The following BOD1L1 variants were observed in gnomAD, a reference collection of about 807,000 sequenced individuals.
BOD1L1 encodes the protein biorientation of chromosomes in cell division 1 like 1, also known as biorientation of chromosomes in cell division protein 1-like 1.
BOD1L1 carries 86 observed loss-of-function variants against 240.7 expected under a neutral mutation model. The observed-to-expected ratio is 0.36, with a 90% CI of 0.30 to 0.43. The LOEUF (loss-of-function observed/expected upper bound fraction) is 0.43. Ranked by LOEUF, BOD1L1 falls within the 20% of genes least tolerant of loss-of-function variation. The pLI, the probability that BOD1L1 is intolerant of heterozygous loss-of-function variation, is 1.00. For missense variants in BOD1L1, 3,554 were observed against 3,643.5 expected (o/e 0.98, Z 0.63); for synonymous variants, 1,268 against 1,272.3 (o/e 1.00, Z 0.07).
chr4:13,600,677 T>C lies in BOD1L1; in HGVS notation c.6223A>G (p.Thr2075Ala). The C allele has an allele frequency of 7.4e-6, 12 of 1,614,000 alleles. No homozygotes were observed. The highest frequency in any genetic ancestry group is 1.0e-5 in the Non-Finnish European group (12 of 1,179,894). Residue 2075 changes from threonine (T) to alanine (A), a missense_variant, in exon 10 of 26, where the codon ACC (threonine) becomes GCC (alanine). Thr to Ala is a moderately conservative substitution (Grantham distance 58). Coordinates refer to ENST00000040738, the MANE Select transcript of BOD1L1 (RefSeq NM_148894.3). ...KNQGKVLIIS[T>A]STTNDYTPQV... Reference sequence around the variant, plus strand: ...GGGGTGTAATCATTTGTGGTACTGGTGGAAATAATCAAAACTTTGCCTTGA... The same window carrying C: ...GGGGTGTAATCATTTGTGGTACTGGCGGAAATAATCAAAACTTTGCCTTGA...
chr4:13,576,288 G>A (rs573107549), intron 25 of BOD1L1, among the ~76,000 whole-genome samples: 2 of 152,258 alleles, frequency 1.3e-5, no homozygotes, highest in Admixed American at 6.5e-5. Context: ...TCATCTGACC[G>A]TGGTACTCTT....
intron 25 of BOD1L1, among the ~76,000 whole-genome samples, chr4:13,574,519 G>T (rs922938905): frequency 2.0e-5 from 3 of 152,168 alleles, no homozygotes; most frequent in Non-Finnish European, 4.4e-5. Context: ...ATTTATAAAA[G>T]GCAAATCTGA....
chr4:13,584,011 A>G (rs1431497903), intron 17 of BOD1L1, among the ~76,000 whole-genome samples: 1 of 152,228 alleles, frequency 6.6e-6, no homozygotes, highest in African/African-American at 2.4e-5. Flanking sequence ...ACATGCAATA[A>G]TGTGCAAGAC....
chr4:13,623,586 G>C (rs1433195411), intron 1 of BOD1L1: 2 of 152,276 alleles, frequency 1.3e-5, no homozygotes, highest in Admixed American at 1.3e-4. Flanking sequence ...TCTTTGGGTG[G>C]GAAGGGCTGA....
intron 2 of BOD1L1, among the ~76,000 whole-genome samples, chr4:13,617,660 T>C (rs1221911412): frequency 1.3e-5 from 2 of 152,198 alleles, no homozygotes; most frequent in Non-Finnish European, 2.9e-5. Flanking sequence ...TTAAGTAGAA[T>C]AAAATTTTCC....
In BOD1L1 at chr4:13,580,264, T is replaced by A. The variant is rs116691603; in HGVS notation, c.8704-291A>T. 3.6e-3 allele frequency among the ~76,000 whole-genome samples: 552 copies of A among 152,334 alleles called. 3 individuals are homozygous for A. Among genetic ancestry groups the A allele is most frequent in the Non-Finnish European group, 3.3e-3 (222 of 68,032 alleles). The stretch of plus-strand genomic sequence containing the variant: ...TTCCCAAGGCAAACCATTTTACATG[T>A]TGCTAAATGCATTCACATGTGCTTC... On this transcript the variant is annotated intron_variant, in intron 21 of 25. Transcript: ENST00000040738.
At chr4:13,591,030 C>T (rs1714164593) in intron 13 of BOD1L1, among the ~76,000 whole-genome samples, 1 of 151,830 alleles carries the variant, frequency 6.6e-6, no homozygotes, top group South Asian at 2.1e-4. Context: ...GCTCCAACCC[C>T]ATTTAAAGTC....
At chr4:13,586,594 A>G in intron 16 of BOD1L1, 119 bp from the exon 17 acceptor site, 1 of 522,782 alleles carries the variant, frequency 1.9e-6, no homozygotes, top group Non-Finnish European at 3.3e-6. Flanking sequence ...CAGAGAAGCC[A>G]AAAGTTACTC....
Position 13,600,202 on chromosome 4 carries a change from C to G in BOD1L1, c.6698G>C (p.Gly2233Ala), listed in dbSNP as rs764136044. ...IAEECEASVS[G>A]VVVESENERA... ...CTCATTTTCACTTTCAACAACTACACCGGAAACAGAAGCCTCACATTCTTC... is the reference window on the plus strand; with the variant it reads ...CTCATTTTCACTTTCAACAACTACAGCGGAAACAGAAGCCTCACATTCTTC... The change falls in exon 10 of 26, where the codon GGT becomes GCT. Residue 2233 changes from glycine to alanine, a missense_variant. Coordinates refer to ENST00000040738, the MANE Select transcript of BOD1L1 (RefSeq NM_148894.3). The G allele has an allele frequency of 1.2e-6, 2 of 1,613,988 alleles. No homozygotes were observed. The highest frequency in any genetic ancestry group is 4.5e-5 in the East Asian group (2 of 44,872).
intron 2 of BOD1L1, among the ~76,000 whole-genome samples, chr4:13,618,622 A>G (rs1011415929): frequency 2.6e-5 from 4 of 152,246 alleles, no homozygotes; most frequent in Admixed American, 2.0e-4. Flanking sequence ...TAAAATGTAG[A>G]CAACAAAGCT....
At position 13,595,884 on chromosome 4, in the gene BOD1L1, A is replaced by T. The variant is rs756255203; in HGVS notation, c.8080T>A (p.Cys2694Ser). ...GEILAPPESL[C>S]GGKPSGIAEL... ...CCTATTCCACTTGGCTTTCCCCCACACAGACTTTCTGGTGGTGCCAGAATT... is the reference window on the plus strand; with the variant it reads ...CCTATTCCACTTGGCTTTCCCCCACTCAGACTTTCTGGTGGTGCCAGAATT... The change falls in exon 12 of 26, where the codon TGT becomes AGT. Residue 2694 changes from cysteine to serine, a missense_variant. Physicochemically the swap from Cys to Ser is moderately radical, Grantham distance 112. Transcript: ENST00000040738. 1 of 1,613,830 alleles carries T rather than the reference A, an allele frequency of 6.2e-7. No homozygotes were observed. Among genetic ancestry groups the T allele is most frequent in the Admixed American group, 1.7e-5 (1 of 60,012 alleles).
At position 13,600,417 on chromosome 4, in the gene BOD1L1, G is replaced by T. The variant is rs1715032297; in HGVS notation, c.6483C>A (p.Thr2161=). ...GCTGAAGACTTTCAGCACACTTGAT[G>T]GTTGTTGCACTGGAGATAGGCAATT... is the stretch of plus-strand genomic sequence containing the variant. ...EFELPISSAT[T]IKCAESLQPV... is the part of the protein sequence containing the mutation. The change falls in exon 10 of 26, where the codon ACC becomes ACA. Residue 2161 remains threonine, a synonymous_variant. Coordinates refer to ENST00000040738, the MANE Select transcript of BOD1L1 (RefSeq NM_148894.3). The T allele has an allele frequency of 1.9e-6, 3 of 1,613,968 alleles. No individual in the cohort carries two copies. The highest frequency in any genetic ancestry group is 2.5e-6 in the Non-Finnish European group (3 of 1,179,890).
intron 5 of BOD1L1, among the ~76,000 whole-genome samples, 158 bp from the exon 6 acceptor site, chr4:13,611,258 A>C (rs1314125536): frequency 1.3e-5 from 2 of 152,262 alleles, no homozygotes; most frequent in Non-Finnish European, 2.9e-5. Flanking sequence ...GCTATAATTC[A>C]TATTTTTATT....
Position 13,607,017 on chromosome 4 carries a change from C to T in BOD1L1, c.1815+100G>A, listed in dbSNP as rs961879862. The stretch of plus-strand genomic sequence containing the variant: ...GAATGTAAGTTGACTTTTTATTTGA[C>T]TTGAAAAAAGTCAAATTACATTCTA... On this transcript the variant is annotated intron_variant, in intron 9 of 25. Transcript: ENST00000040738. The T allele has an allele frequency of 3.3e-5, 27 of 806,134 alleles. No homozygotes were observed. The South Asian group carries it at 5.5e-4, about 16-fold the overall frequency. The allele number at this position is 806,134 out of a possible 1,614,324, so 49.9% of individuals were successfully genotyped here.
At chr4:13,589,970 A>G (rs2108912918) in intron 14 of BOD1L1, among the ~76,000 whole-genome samples, 1 of 152,346 alleles carries the variant, frequency 6.6e-6, no homozygotes, top group Middle Eastern at 3.4e-3. Flanking sequence ...TGTGGCCACC[A>G]GACCTCACCC....
chr4:13,592,075 T>C (rs995559360), intron 12 of BOD1L1, 109 bp from the exon 13 acceptor site: 15 of 692,706 alleles, frequency 2.2e-5, no homozygotes, highest in Non-Finnish European at 3.6e-5. Context: ...TGTCACCAAG[T>C]GGCTTAGCTG....
Position 13,604,307 on chromosome 4 carries a change from G to T in BOD1L1, c.2593C>A (p.Gln865Lys). 1 of 1,600,808 alleles carries T rather than the reference G, an allele frequency of 6.2e-7. No individual in the cohort carries two copies. The highest frequency in any genetic ancestry group is 8.5e-7 in the Non-Finnish European group (1 of 1,176,448). Residue 865 changes from glutamine (Q) to lysine (K), a missense_variant, in exon 10 of 26, where the codon CAG (glutamine) becomes AAG (lysine). Physicochemically the swap from Gln to Lys is moderately conservative, Grantham distance 53 (BLOSUM62 1). Coordinates refer to ENST00000040738, the MANE Select transcript of BOD1L1 (RefSeq NM_148894.3). ...LGSKQHGITLQRRSESYSEDK... is the reference protein window; with the variant it reads ...LGSKQHGITLKRRSESYSEDK... ...TCCGAATAACTTTCACTTCTTCTCT[G>T]TAATGTGATACCATGTTGCTTGGAA... is the stretch of plus-strand genomic sequence containing the variant.
intron 19 of BOD1L1, among the ~76,000 whole-genome samples, chr4:13,581,605 T>A (rs557164961): frequency 6.6e-6 from 1 of 152,262 alleles, no homozygotes; most frequent in East Asian, 1.9e-4. Context: ...CAATAACAAA[T>A]GATTTAACAA....
chr4:13,590,315 G>T, intron 14 of BOD1L1, 71 bp downstream of exon 14: 1 of 756,550 alleles, frequency 1.3e-6, no homozygotes, highest in Non-Finnish European at 2.1e-6. Context: ...CACAAGGCCT[G>T]GTATACAGAC....
Sources: gnomAD v4.1 joint callset for allele counts (sites outside exome capture counted in the v4.1 genomes callset) on GRCh38, gnomAD v4.1.1 for gene constraint, MANE v1.5 for transcripts, NCBI Gene and HGNC (gene_info 2026-07-23, HGNC 2026-07-21) for gene names.